Variants in ENOX2 observed in about 807,000 individuals in gnomAD.
The protein encoded by ENOX2 is APK1 antigen.
ENOX2 carries 36 observed loss-of-function variants against 45.0 expected under a neutral mutation model. The observed-to-expected ratio is 0.80, with a 90% CI of 0.61 to 1.06. ENOX2 has a LOEUF of 1.06. Among genes scored for constraint, ENOX2 ranks in the 50% least tolerant of loss-of-function variants. The pLI, the probability that ENOX2 is intolerant of heterozygous loss-of-function variation, is 0.00. For synonymous variants in ENOX2, 174 were observed against 152.3 expected (o/e 1.14, Z -1.05); for missense variants, 423 against 462.5 (o/e 0.91, Z 0.78).
intron 4 of ENOX2, 138 bp downstream of exon 4, chrX:130,702,982 A>G: frequency 1.6e-6 from 1 of 625,108 alleles, no homozygotes; most frequent in Non-Finnish European, 2.4e-6. Flanking sequence ...CAGACTATAA[A>G]GCTCATATTA....
At chrX:130,858,139 G>T (rs1486644705) in intron 2 of ENOX2, among the ~76,000 whole-genome samples, 1 of 102,841 alleles carries the variant, frequency 9.7e-6, no homozygotes, top group African/African-American at 3.6e-5. Flanking sequence ...TTTTTAGACG[G>T]AGTCTTGCTC....
chrX:130,789,142 G>T (rs756239326), intron 2 of ENOX2, among the ~76,000 whole-genome samples: 2 of 112,337 alleles, frequency 1.8e-5, no homozygotes, highest in Non-Finnish European at 3.8e-5. Flanking sequence ...AATGAAGTGT[G>T]ATGCTCAGTG....
chrX:130,828,599 T>C (rs982742079), intron 2 of ENOX2, among the ~76,000 whole-genome samples: 1 of 111,980 alleles, frequency 8.9e-6, no homozygotes, highest in Non-Finnish European at 1.9e-5. Context: ...CACAAAATCA[T>C]TTAAATGAGG....
At chrX:130,748,207 T>C (rs1337848208) in intron 3 of ENOX2, among the ~76,000 whole-genome samples, 1 of 112,136 alleles carries the variant, frequency 8.9e-6, no homozygotes, top group Non-Finnish European at 1.9e-5. Context: ...AGAGCTAACA[T>C]ATTAAGCACC....
chrX:130,747,201 C>G (rs996774409), intron 3 of ENOX2, among the ~76,000 whole-genome samples: 2 of 110,476 alleles, frequency 1.8e-5, no homozygotes, highest in Non-Finnish European at 3.8e-5. Flanking sequence ...TAAATGAAGC[C>G]CTTAAACGTC....
chrX:130,783,768 C>G (rs2076927447), intron 2 of ENOX2, 78 bp from the exon 3 acceptor site: 1 of 225,109 alleles, frequency 4.4e-6, no homozygotes. Context: ...ATATGAGCCA[C>G]TAGTGGAAAA....
chrX:130,680,819 T>C (rs776462210), intron 5 of ENOX2, among the ~76,000 whole-genome samples: 6 of 112,608 alleles, frequency 5.3e-5, no homozygotes, highest in African/African-American at 1.6e-4. Context: ...GTCATGTTCA[T>C]AGATTAGGCC....
intron 2 of ENOX2, among the ~76,000 whole-genome samples, chrX:130,861,796 T>C (rs2078413770): frequency 9.0e-6 from 1 of 111,256 alleles, no homozygotes; most frequent in African/African-American, 3.3e-5. Flanking sequence ...TCTTGTCATA[T>C]ACACAAATAA....
intron 5 of ENOX2, among the ~76,000 whole-genome samples, chrX:130,687,450 T>C (rs1370812766): frequency 8.9e-6 from 1 of 112,503 alleles, no homozygotes; most frequent in East Asian, 2.8e-4. Context: ...CTTTCTCTAA[T>C]CTGAAAGCAA....
intron 7 of ENOX2, 64 bp from the exon 8 acceptor site, chrX:130,667,806 G>T: frequency 1.1e-6 from 1 of 907,276 alleles, no homozygotes. Context: ...TTCCCAACAT[G>T]CTGGCAAAGA....
intron 2 of ENOX2, among the ~76,000 whole-genome samples, chrX:130,809,627 T>C (rs184044185): frequency 8.9e-6 from 1 of 111,995 alleles, no homozygotes; most frequent in East Asian, 2.8e-4. Context: ...TCTCATTCTT[T>C]ATGTATTAAA....
chrX:130,783,311 C>T (rs769576401), intron 3 of ENOX2, among the ~76,000 whole-genome samples: 1 of 112,122 alleles, frequency 8.9e-6, no homozygotes, highest in South Asian at 3.8e-4. Flanking sequence ...ATCGGTTTTT[C>T]ACCCTTTACA....
chrX:130,695,367 AG>A (rs990929003), intron 4 of ENOX2, among the ~76,000 whole-genome samples: 4 of 111,860 alleles, frequency 3.6e-5, no homozygotes, highest in African/African-American at 9.8e-5. Flanking sequence ...AGGCAGGCAA[AG>A]GTAGGAAGTG....
intron 2 of ENOX2, among the ~76,000 whole-genome samples, chrX:130,883,158 T>C (rs2078848782): frequency 9.0e-6 from 1 of 111,714 alleles, no homozygotes; most frequent in Non-Finnish European, 1.9e-5. Context: ...TTGCCCAGGA[T>C]GGAGTGCAAT....
intron 2 of ENOX2, among the ~76,000 whole-genome samples, chrX:130,793,817 T>C (rs898341905): frequency 8.9e-6 from 1 of 112,251 alleles, no homozygotes; most frequent in Non-Finnish European, 1.9e-5. Flanking sequence ...TTTTTTCCCT[T>C]GTCCAATTTA....
At chrX:130,681,719 T>A (rs1419243221) in intron 5 of ENOX2, among the ~76,000 whole-genome samples, 1 of 112,256 alleles carries the variant, frequency 8.9e-6, no homozygotes, top group Non-Finnish European at 1.9e-5. Flanking sequence ...ATATACTGTC[T>A]ATATTGCATG....
intron 3 of ENOX2, among the ~76,000 whole-genome samples, chrX:130,741,706 C>CT (rs1381535359): frequency 1.8e-5 from 2 of 111,280 alleles, no homozygotes; most frequent in Non-Finnish European, 3.8e-5. Flanking sequence ...GTGGCGCATG[C>CT]TTTCAAAATA....
At chrX:130,895,405 T>C (rs2079046743) in intron 2 of ENOX2, among the ~76,000 whole-genome samples, 1 of 112,014 alleles carries the variant, frequency 8.9e-6, no homozygotes, top group African/African-American at 3.2e-5. Flanking sequence ...TTAGCAGTTG[T>C]TGCTGGCTAA....
intron 2 of ENOX2, among the ~76,000 whole-genome samples, chrX:130,880,354 C>T (rs1389139823): frequency 3.6e-5 from 4 of 110,116 alleles, no homozygotes; most frequent in Non-Finnish European, 7.6e-5. Context: ...ATTTTTTTTT[C>T]CCAGTACTTT....
Sources: allele counts gnomAD v4.1 joint callset (sites outside exome capture counted in the v4.1 genomes callset), GRCh38; gene constraint gnomAD v4.1.1; transcripts MANE v1.5; gene names NCBI Gene and HGNC (gene_info 2026-07-23, HGNC 2026-07-21).